Variants in CLNK observed in about 807,000 individuals in gnomAD.
The protein encoded by CLNK is cytokine dependent hematopoietic cell linker, also known as cytokine-dependent hematopoietic cell linker.
A neutral mutation model predicts 68.6 loss-of-function variants in CLNK; 74 were observed. That is an observed-to-expected ratio of 1.08 (90% CI 0.89 to 1.31). The LOEUF (loss-of-function observed/expected upper bound fraction) is 1.31. Ranked by LOEUF, CLNK falls within the 50% of genes most tolerant of loss-of-function variation. The probability of loss-of-function intolerance (pLI) is 0.00; values close to 1 mark genes in which losing one functional copy is unlikely to be tolerated. For synonymous variants in CLNK, 198 were observed against 172.2 expected, an observed-to-expected ratio of 1.15 and a Z score of -1.17; for missense variants, 553 against 515.3, an observed-to-expected ratio of 1.07 and a Z score of -0.71.
intron 8 of CLNK, among the ~76,000 whole-genome samples, chr4:10,543,220 G>T (rs1482807915): frequency 6.6e-6 from 1 of 152,212 alleles, no homozygotes; most frequent in Non-Finnish European, 1.5e-5. Context: ...AGTATTAAAT[G>T]AATATGTGGG....
At chr4:10,608,383 A>G (rs1459564742) in intron 2 of CLNK, among the ~76,000 whole-genome samples, 1 of 149,982 alleles carries the variant, frequency 6.7e-6, no homozygotes, top group Non-Finnish European at 1.5e-5. Flanking sequence ...ACATCTTCCA[A>G]CTCTCCTTGG....
intron 2 of CLNK, among the ~76,000 whole-genome samples, chr4:10,652,805 G>T (rs546684226): frequency 6.6e-6 from 1 of 152,156 alleles, no homozygotes; most frequent in East Asian, 1.9e-4. Flanking sequence ...ATGCAATTAT[G>T]GTGGTATCTA....
intron 17 of CLNK, among the ~76,000 whole-genome samples, chr4:10,504,367 G>A (rs985337478): frequency 2.0e-5 from 3 of 151,916 alleles, no homozygotes; most frequent in Non-Finnish European, 2.9e-5. Flanking sequence ...AGATTCGCCC[G>A]CCTCGGGCTC....
At chr4:10,651,382 G>A (rs1723729706) in intron 2 of CLNK, among the ~76,000 whole-genome samples, 1 of 152,138 alleles carries the variant, frequency 6.6e-6, no homozygotes, top group Non-Finnish European at 1.5e-5. Context: ...AAAAGGATGA[G>A]CTCATGTCCT....
At chr4:10,647,539 A>C (rs1723557921) in intron 2 of CLNK, among the ~76,000 whole-genome samples, 1 of 152,182 alleles carries the variant, frequency 6.6e-6, no homozygotes, top group South Asian at 2.1e-4. Flanking sequence ...TTGGAAGAGC[A>C]CTTATTTTAT....
chr4:10,647,531 G>A (rs921194693), intron 2 of CLNK, among the ~76,000 whole-genome samples: 1 of 152,038 alleles, frequency 6.6e-6, no homozygotes, highest in Admixed American at 6.6e-5. Flanking sequence ...TTTTGGAGTT[G>A]GAAGAGCACT....
chr4:10,587,367 C>T (rs1444608555), intron 3 of CLNK, among the ~76,000 whole-genome samples: 4 of 152,158 alleles, frequency 2.6e-5, no homozygotes, highest in African/African-American at 7.2e-5. Context: ...TTTGAAAAGC[C>T]CCGAGGCAGT....
intron 2 of CLNK, among the ~76,000 whole-genome samples, chr4:10,606,817 T>C (rs1721811448): frequency 6.6e-6 from 1 of 152,228 alleles, no homozygotes; most frequent in Non-Finnish European, 1.5e-5. Flanking sequence ...TAGTTGATTC[T>C]GTTTTTCTAT....
chr4:10,712,818 T>G, the CLNK span, among the ~76,000 whole-genome samples: 54 of 152,372 alleles, frequency 3.5e-4, no homozygotes, highest in Non-Finnish European at 6.5e-4. Context: ...TTTCAGAGTT[T>G]ACATTCTTGT....
chr4:10,566,242 T>C lies in CLNK; in HGVS notation c.151-92A>G, dbSNP rs754490416. The C allele has an allele frequency of 3.9e-4, 474 of 1,202,492 alleles. 2 individuals are homozygous for C. The Middle Eastern group carries it at 8.1e-3, about 20-fold the overall frequency. The allele number at this position is 1,202,492 out of a possible 1,614,324, so 74.5% of individuals were successfully genotyped here. A position where few individuals can be genotyped will look rare whatever the true frequency, so the allele number is the denominator to read the frequency against. ...GCTGGCTAGAGAAATGGGGTAGACCTTCTTAGCTGCAAGTTAAATATTTAA... is the reference window on the plus strand; with the variant it reads ...GCTGGCTAGAGAAATGGGGTAGACCCTCTTAGCTGCAAGTTAAATATTTAA... On this transcript the variant is annotated intron_variant, in intron 5 of 18. Coordinates refer to ENST00000226951, the MANE Select transcript of CLNK (RefSeq NM_052964.4).
chr4:10,604,176 C>A (rs112217592), intron 2 of CLNK, among the ~76,000 whole-genome samples: 1 of 152,104 alleles, frequency 6.6e-6, no homozygotes, highest in Non-Finnish European at 1.5e-5. Flanking sequence ...TTCTCTAGGG[C>A]CCAATTCTTA....
At chr4:10,501,546 AGTTT>A in intron 17 of CLNK, 135 bp from the exon 18 acceptor site, 7 of 818,486 alleles carry the variant, frequency 8.6e-6, no homozygotes, top group Non-Finnish European at 1.3e-5. Flanking sequence ...TAATTCAGTA[AGTTT>A]TTACTGAGTG....
chr4:10,493,565 C>G (rs1345093019), intron 18 of CLNK, among the ~76,000 whole-genome samples: 1 of 152,112 alleles, frequency 6.6e-6, no homozygotes, highest in East Asian at 1.9e-4. Context: ...TTCCAAAGTC[C>G]TCACCTCCTA....
intron 2 of CLNK, among the ~76,000 whole-genome samples, chr4:10,622,982 G>T (rs1722519643): frequency 2.6e-5 from 4 of 152,068 alleles, no homozygotes; most frequent in African/African-American, 4.8e-5. Context: ...CCTCATCTGA[G>T]CCCATTTATG....
chr4:10,654,119 T>C (rs1372404357), intron 2 of CLNK, among the ~76,000 whole-genome samples: 1 of 152,132 alleles, frequency 6.6e-6, no homozygotes, highest in East Asian at 1.9e-4. Context: ...ACAAATGTGA[T>C]GCTAACCAGC....
At chr4:10,699,453 G>A in the CLNK span, among the ~76,000 whole-genome samples, 1 of 116,876 alleles carries the variant, frequency 8.6e-6, no homozygotes, top group African/African-American at 3.3e-5. Flanking sequence ...TATAACCTAT[G>A]TACATCCTCT....
rs1722233546 is a variant in CLNK at position 10,616,558 on chromosome 4, A to G, written c.12-18509T>C. 2.0e-5 allele frequency among the ~76,000 whole-genome samples: 3 copies of G among 152,158 alleles called. No homozygotes were observed. The South Asian group carries it at 6.2e-4, about 31-fold the overall frequency. The stretch of plus-strand genomic sequence containing the variant: ...ACTCATTAATACAAAGGAAAATAGC[A>G]GCAATATTGATGTTAGAACTATACT... On this transcript the variant is annotated intron_variant, in intron 2 of 18. Coordinates refer to ENST00000226951, the MANE Select transcript of CLNK (RefSeq NM_052964.4).
At chr4:10,589,860 C>T (rs1165806429) in intron 3 of CLNK, among the ~76,000 whole-genome samples, 1 of 152,196 alleles carries the variant, frequency 6.6e-6, no homozygotes, top group East Asian at 1.9e-4. Context: ...TCAAGCAAGG[C>T]CCATGTATTA....
At chr4:10,677,837 C>CAATAATAATAATAATAAT (rs68067128) in intron 1 of CLNK, among the ~76,000 whole-genome samples, 7,759 of 149,064 alleles carry the variant, frequency 0.052, 269 homozygotes, top group Admixed American at 0.091. Context: ...ATAAAAATAG[C>CAATAATAATAATAATAAT]AATAATAATA....
Sources: allele counts gnomAD v4.1 joint callset (sites outside exome capture counted in the v4.1 genomes callset), GRCh38; gene constraint gnomAD v4.1.1; transcripts MANE v1.5; gene names NCBI Gene and HGNC (gene_info 2026-07-23, HGNC 2026-07-21).